SHCBP1L: variants seen among roughly 807,000 people sequenced by gnomAD.
SHCBP1L encodes the protein testicular spindle-associated protein SHCBP1L.
SHCBP1L carries 67 observed loss-of-function variants against 62.5 expected under a neutral mutation model. The ratio of observed to expected loss-of-function variants is 1.07; its 90% CI spans 0.88 to 1.31. SHCBP1L has a LOEUF of 1.31. SHCBP1L is among the 40% of genes most tolerant of loss of function. The pLI is 0.00. For synonymous variants in SHCBP1L, 284 were observed against 289.4 expected, an observed-to-expected ratio of 0.98 and a Z score of 0.19; for missense variants, 823 against 809.8, an observed-to-expected ratio of 1.02 and a Z score of -0.20.
intron 6 of SHCBP1L, among the ~76,000 whole-genome samples, chr1:182,911,526 C>T (rs931046860): frequency 6.6e-6 from 1 of 152,086 alleles, no homozygotes; most frequent in Non-Finnish European, 1.5e-5. Context: ...CCTGAGGAAG[C>T]CCAGATAAGA....
intron 6 of SHCBP1L, among the ~76,000 whole-genome samples, chr1:182,925,090 G>C (rs1347681537): frequency 1.3e-5 from 2 of 151,488 alleles, no homozygotes; most frequent in Non-Finnish European, 3.0e-5. Context: ...GGAAGGAAAG[G>C]AAGGAAAGAA....
intron 6 of SHCBP1L, among the ~76,000 whole-genome samples, chr1:182,918,256 A>G (rs1650424087): frequency 1.3e-5 from 2 of 149,564 alleles, no homozygotes; most frequent in Non-Finnish European, 3.0e-5. Flanking sequence ...ACACACATAT[A>G]TATCTCCAAG....
chr1:182,924,968 AAG>A (rs779709791), intron 6 of SHCBP1L, among the ~76,000 whole-genome samples: 1 of 141,086 alleles, frequency 7.1e-6, no homozygotes, highest in East Asian at 2.0e-4. Context: ...GAAAGAAAGA[AAG>A]AAAGAAAAAA....
intron 5 of SHCBP1L, among the ~76,000 whole-genome samples, chr1:182,931,195 T>A (rs1650986350): frequency 6.6e-6 from 1 of 152,120 alleles, no homozygotes. Flanking sequence ...AGCATTTTTA[T>A]ATCTATTTAA....
intron 9 of SHCBP1L, among the ~76,000 whole-genome samples, chr1:182,900,831 G>A (rs1440715415): frequency 2.0e-5 from 3 of 151,864 alleles, no homozygotes; most frequent in Non-Finnish European, 2.9e-5. Context: ...CCAGGAGTTC[G>A]AGACCTGCCT....
At chr1:182,901,097 T>C (rs1186611977) in intron 9 of SHCBP1L, among the ~76,000 whole-genome samples, 1 of 151,988 alleles carries the variant, frequency 6.6e-6, no homozygotes, top group Non-Finnish European at 1.5e-5. Context: ...ACCACTTGAG[T>C]GTTCTTTACA....
intron 6 of SHCBP1L, among the ~76,000 whole-genome samples, chr1:182,926,482 A>T (rs1650751594): frequency 6.6e-6 from 1 of 152,246 alleles, no homozygotes; most frequent in East Asian, 1.9e-4. Context: ...TAAAAGATTT[A>T]TATAAATTAT....
intron 6 of SHCBP1L, among the ~76,000 whole-genome samples, chr1:182,926,736 G>A (rs1261347367): frequency 6.6e-6 from 1 of 151,940 alleles, no homozygotes; most frequent in Non-Finnish European, 1.5e-5. Context: ...TACACAATGG[G>A]AATACCACTG....
intron 6 of SHCBP1L, among the ~76,000 whole-genome samples, chr1:182,915,807 T>A: frequency 1.1e-5 from 1 of 89,696 alleles, no homozygotes; most frequent in Admixed American, 1.1e-4. Context: ...CAACGTATTC[T>A]TTTTTTTTTT....
At chr1:182,951,552 TCTA>T in intron 1 of SHCBP1L, 85 bp from the exon 2 acceptor site, 2 of 969,418 alleles carry the variant, frequency 2.1e-6, no homozygotes, top group Non-Finnish European at 2.8e-6. Context: ...TTTACTGATT[TCTA>T]TTTTAAAATG....
In SHCBP1L at chr1:182,940,467, T is replaced by A. The variant is rs1651323088; in HGVS notation, c.632A>T (p.Asn211Ile). ...TVSVAEPFSS[N>I]IANIPRDLVD... The stretch of plus-strand genomic sequence containing the variant: ...CAAATCTCTTGGAATATTTGCAATG[T>A]TGGAAGAAAAGGGCTCAGCAACAGA... Residue 211 changes from asparagine to isoleucine, a missense_variant, in exon 3 of 10, where the codon AAC becomes ATC. Transcript: ENST00000367547. 1 of 1,613,956 alleles carries A rather than the reference T, an allele frequency of 6.2e-7. No individual in the cohort carries two copies. The highest frequency in any genetic ancestry group is 1.7e-5 in the Admixed American group (1 of 60,010).
At chr1:182,905,066 T>G (rs1350452593) in intron 7 of SHCBP1L, among the ~76,000 whole-genome samples, 2 of 152,186 alleles carry the variant, frequency 1.3e-5, no homozygotes, top group Admixed American at 1.3e-4. Flanking sequence ...GTTGTTGTTG[T>G]TGGTTAGACA....
rs751789664 is a variant in SHCBP1L at position 182,905,529 on chromosome 1, G to T, written c.1303C>A (p.Leu435Ile). 1.8e-5 allele frequency: 29 copies of T among 1,613,700 alleles called. No individual in the cohort carries two copies. In the South Asian group the frequency reaches 2.9e-4, roughly 16 times the overall value. ...ATGATGTCATCTGTCAACAAAGCAA[G>T]ATTTGCAGCTTGATATTCTCCTGGA... ...IFPGEYQAAN[L>I]ALLTDDIIIK... Residue 435 changes from leucine to isoleucine, a missense_variant, in exon 7 of 10, where the codon CTT (leucine) becomes ATT (isoleucine). Coordinates refer to ENST00000367547, the MANE Select transcript of SHCBP1L (RefSeq NM_030933.4).
At chr1:182,948,393 C>A (rs1376600883) in intron 2 of SHCBP1L, among the ~76,000 whole-genome samples, 1 of 152,150 alleles carries the variant, frequency 6.6e-6, no homozygotes, top group Non-Finnish European at 1.5e-5. Context: ...CCAGTTGGGC[C>A]CATTCTAATC....
chr1:182,943,338 T>C (rs566580628), intron 2 of SHCBP1L, among the ~76,000 whole-genome samples: 6 of 148,010 alleles, frequency 4.1e-5, no homozygotes, highest in South Asian at 4.4e-4. Context: ...CCTAGGCTGG[T>C]CTTGAACTCC....
At chr1:182,951,633 T>C (rs538395733) in intron 1 of SHCBP1L, among the ~76,000 whole-genome samples, 166 bp from the exon 2 acceptor site, 1 of 152,174 alleles carries the variant, frequency 6.6e-6, no homozygotes, top group South Asian at 2.1e-4. Flanking sequence ...CCGCATCTAG[T>C]GGAAAACATC....
chr1:182,922,271 A>G (rs1260180028), intron 6 of SHCBP1L, among the ~76,000 whole-genome samples: 5 of 152,142 alleles, frequency 3.3e-5, no homozygotes, highest in Non-Finnish European at 5.9e-5. Context: ...GATGTTTGAG[A>G]CCTGAACTCT....
At chr1:182,918,171 C>T (rs57289768) in intron 6 of SHCBP1L, among the ~76,000 whole-genome samples, 22 of 139,018 alleles carry the variant, frequency 1.6e-4, no homozygotes, top group South Asian at 4.7e-4. Flanking sequence ...TATATACACA[C>T]ATATATACAT....
At chr1:182,929,785 T>A in intron 5 of SHCBP1L, 33 bp from the exon 6 acceptor site, 1 of 1,417,350 alleles carries the variant, frequency 7.1e-7, no homozygotes, top group Non-Finnish European at 9.6e-7. Context: ...ATAATTAAAT[T>A]AACATGAAAA....
Sources: allele counts gnomAD v4.1 joint callset (sites outside exome capture counted in the v4.1 genomes callset), GRCh38; gene constraint gnomAD v4.1.1; transcripts MANE v1.5; gene names NCBI Gene and HGNC (gene_info 2026-07-23, HGNC 2026-07-21).